PRKN: variants seen among roughly 807,000 people sequenced by gnomAD.
PRKN encodes the protein parkin RBR E3 ubiquitin protein ligase.
A neutral mutation model predicts 59.5 loss-of-function variants in PRKN; 56 were observed. That is an observed-to-expected ratio of 0.94 (90% CI 0.76 to 1.18). The LOEUF (loss-of-function observed/expected upper bound fraction) is 1.18, where lower values mean the gene tolerates loss of function less well. PRKN is among the 50% of genes most tolerant of loss of function. The pLI is 0.00. For synonymous variants in PRKN, 250 were observed against 222.1 expected, an observed-to-expected ratio of 1.13 and a Z score of -1.12; for missense variants, 657 against 596.4, an observed-to-expected ratio of 1.10 and a Z score of -1.06.
At chr6:162,267,288 T>C (rs1356003048) in intron 2 of PRKN, 1 of 152,162 alleles carries the variant, frequency 6.6e-6, no homozygotes, top group African/African-American at 2.4e-5. Flanking sequence ...CCAGAAGCGG[T>C]GCCTTTGACA....
intron 6 of PRKN, among the ~76,000 whole-genome samples, chr6:161,892,396 C>T (rs1344297177): frequency 6.7e-6 from 1 of 149,654 alleles, no homozygotes; most frequent in Non-Finnish European, 1.5e-5. Flanking sequence ...CTAGACTCCA[C>T]CTCAACCAAA....
chr6:161,750,114 T>TACAC (rs200233585), intron 7 of PRKN, among the ~76,000 whole-genome samples: 2 of 137,486 alleles, frequency 1.5e-5, no homozygotes, highest in East Asian at 5.1e-4. Context: ...TATATATATA[T>TACAC]ATATACACAC....
intron 7 of PRKN, among the ~76,000 whole-genome samples, chr6:161,607,111 T>C (rs955881545): frequency 7.9e-5 from 12 of 152,178 alleles, no homozygotes; most frequent in African/African-American, 1.2e-4. Context: ...GGGCAGGACA[T>C]TATTGTAGAC....
rs938615550 is a variant in PRKN at position 161,446,151 on chromosome 6, G to A, written c.1084-59274C>T. ...AGGATCATCTGAGCCTGGGGAGGTC[G>A]AGGCCACAGTAAGCTAGGATTGTAT... On this transcript the variant is annotated intron_variant, in intron 9 of 11. Coordinates refer to ENST00000366898, the MANE Select transcript of PRKN (RefSeq NM_004562.3). The surrounding 1 kb of genome is among the most constrained non-coding windows in gnomAD (Gnocchi z 6.2). 2.6e-5 allele frequency among the ~76,000 whole-genome samples: 4 copies of A among 152,314 alleles called. No individual in the cohort carries two copies. Among genetic ancestry groups the A allele is most frequent in the Admixed American group, 6.5e-5 (1 of 15,308 alleles).
chr6:162,506,143 G>T (rs1793595896), intron 1 of PRKN, among the ~76,000 whole-genome samples: 1 of 150,228 alleles, frequency 6.7e-6, no homozygotes, highest in Admixed American at 6.7e-5. Flanking sequence ...AGAAGAAAAT[G>T]TATGTCCTCA....
intron 2 of PRKN, among the ~76,000 whole-genome samples, chr6:162,263,892 C>T (rs187321637): frequency 1.3e-5 from 2 of 151,642 alleles, no homozygotes; most frequent in African/African-American, 2.4e-5. Context: ...CCCCACCCCC[C>T]CAACCAAAAA....
chr6:161,403,124 G>A (rs752574957), intron 9 of PRKN, among the ~76,000 whole-genome samples: 3 of 152,130 alleles, frequency 2.0e-5, no homozygotes, highest in Middle Eastern at 3.2e-3. Flanking sequence ...AGCATCAACT[G>A]TTCTCAGTGC....
At chr6:161,941,961 C>A (rs1779583859) in intron 6 of PRKN, among the ~76,000 whole-genome samples, 1 of 152,070 alleles carries the variant, frequency 6.6e-6, no homozygotes, top group African/African-American at 2.4e-5. Flanking sequence ...TAATTTTGGT[C>A]CAAGTTTTCA....
At chr6:161,994,251 AAAAG>A (rs1024362066) in intron 5 of PRKN, among the ~76,000 whole-genome samples, 2 of 152,046 alleles carry the variant, frequency 1.3e-5, no homozygotes, top group African/African-American at 2.4e-5. Flanking sequence ...AGAAAAAAAA[AAAAG>A]AAAGTGAAGG....
At chr6:162,535,907 C>CAA (rs71544936) in intron 1 of PRKN, among the ~76,000 whole-genome samples, 97 of 110,476 alleles carry the variant, frequency 8.8e-4, no homozygotes, top group African/African-American at 2.6e-3. Flanking sequence ...GACCCTGTCT[C>CAA]AAAAAAAAAA....
At chr6:161,398,971 A>G (rs779561673) in intron 9 of PRKN, among the ~76,000 whole-genome samples, 3 of 152,164 alleles carry the variant, frequency 2.0e-5, no homozygotes, top group Non-Finnish European at 2.9e-5. Context: ...TTCACACCCA[A>G]ATGTTGCCTT....
At chr6:162,339,744 T>G (rs895638836) in intron 2 of PRKN, among the ~76,000 whole-genome samples, 4 of 151,972 alleles carry the variant, frequency 2.6e-5, no homozygotes, top group African/African-American at 9.7e-5. Flanking sequence ...TTGCCGTGTC[T>G]GTGTAGAAAG....
intron 6 of PRKN, among the ~76,000 whole-genome samples, chr6:161,877,990 T>G (rs1794799108): frequency 6.6e-6 from 1 of 151,834 alleles, no homozygotes; most frequent in Non-Finnish European, 1.5e-5. Context: ...AGCTAAGCCA[T>G]CCCATGGCCG....
chr6:162,476,541 A>G (rs1792026695), intron 1 of PRKN, among the ~76,000 whole-genome samples: 1 of 152,192 alleles, frequency 6.6e-6, no homozygotes, highest in African/African-American at 2.4e-5. Context: ...TAAGTGAAAC[A>G]AAGGGGCAGA....
intron 1 of PRKN, among the ~76,000 whole-genome samples, chr6:162,572,864 C>T (rs1780400306): frequency 1.4e-5 from 2 of 146,910 alleles, no homozygotes; most frequent in African/African-American, 2.5e-5. Context: ...AACCTAAAAA[C>T]AAACAAAACC....
chr6:162,617,703 T>C (rs1294924529), intron 1 of PRKN, among the ~76,000 whole-genome samples: 2 of 152,224 alleles, frequency 1.3e-5, no homozygotes, highest in Non-Finnish European at 2.9e-5. Context: ...TATGCAGTTA[T>C]CTGTCTTTCT....
intron 1 of PRKN, among the ~76,000 whole-genome samples, chr6:162,545,314 A>C (rs1468348080): frequency 6.6e-6 from 1 of 152,082 alleles, no homozygotes; most frequent in East Asian, 1.9e-4. Flanking sequence ...AAAATTTAAA[A>C]AATATCTGAA....
intron 5 of PRKN, among the ~76,000 whole-genome samples, chr6:162,029,246 T>A (rs925466415): frequency 3.3e-5 from 5 of 152,190 alleles, no homozygotes; most frequent in Non-Finnish European, 5.9e-5. Flanking sequence ...TTCTATTTTT[T>A]AAAAAAGAAA....
chr6:161,469,541 AAGAGAAAGAGAGAGAGAGAGAGAGAG>A (rs1790666464), intron 9 of PRKN, among the ~76,000 whole-genome samples: 1 of 141,404 alleles, frequency 7.1e-6, no homozygotes, highest in South Asian at 2.3e-4. Flanking sequence ...TCCAGTGAAC[AAGAGAAAGAGAGAGAGAGAGAGAGAG>A]AGAGAAAGAG....
Sources: allele counts gnomAD v4.1 joint callset (sites outside exome capture counted in the v4.1 genomes callset), GRCh38; gene constraint gnomAD v4.1.1; non-coding constraint Gnocchi (gnomAD v3.1); transcripts MANE v1.5; gene names NCBI Gene and HGNC (gene_info 2026-07-23, HGNC 2026-07-21).